GLIS3: variants seen among roughly 807,000 people sequenced by gnomAD.
The protein encoded by GLIS3 is GLIS family zinc finger 3.
GLIS3 carries 53 observed loss-of-function variants against 78.6 expected under a neutral mutation model. That is an observed-to-expected ratio of 0.67 (90% CI 0.54 to 0.85). The LOEUF (loss-of-function observed/expected upper bound fraction) is 0.85. Ranked by LOEUF, GLIS3 falls within the 40% of genes least tolerant of loss-of-function variation. The probability of loss-of-function intolerance (pLI) is 0.00; values close to 1 mark genes in which losing one functional copy is unlikely to be tolerated. For synonymous variants in GLIS3, 684 were observed against 509.9 expected, an observed-to-expected ratio of 1.34 and a Z score of -4.60; for missense variants, 1,703 against 1,231.1, an observed-to-expected ratio of 1.38 and a Z score of -5.74.
At chr9:4,094,999 C>A (rs1299762698) in intron 4 of GLIS3, among the ~76,000 whole-genome samples, 1 of 152,178 alleles carries the variant, frequency 6.6e-6, no homozygotes, top group African/African-American at 2.4e-5. Flanking sequence ...GCATATCCAT[C>A]ACTTCAAACA....
chr9:4,095,238 A>C (rs1266404434), intron 4 of GLIS3, among the ~76,000 whole-genome samples: 2 of 152,136 alleles, frequency 1.3e-5, no homozygotes, highest in Non-Finnish European at 2.9e-5. Flanking sequence ...ACATCCTTTG[A>C]ACTAGCCTTT....
Position 4,290,903 on chromosome 9 carries a change from T to C in GLIS3, c.-98-4380A>G, listed in dbSNP as rs1187724752. Reference sequence around the variant, plus strand: ...ATGTGTACAACATTATTTCCCCAAATTGAAACTGGAGGATACTATATTATG... The same window carrying C: ...ATGTGTACAACATTATTTCCCCAAACTGAAACTGGAGGATACTATATTATG... On this transcript the variant is annotated intron_variant, in intron 1 of 10. Transcript: ENST00000381971. Among the ~76,000 whole-genome samples the C allele has an allele frequency of 2.0e-5, 3 of 152,230 alleles. 1 individual carries two copies.
At chr9:3,918,144 C>T (rs1464616063) in intron 6 of GLIS3, among the ~76,000 whole-genome samples, 2 of 152,144 alleles carry the variant, frequency 1.3e-5, no homozygotes, top group Non-Finnish European at 2.9e-5. Flanking sequence ...ATCCATGTTC[C>T]CTCTTTCCTG....
rs140524095 is a variant in GLIS3 at position 4,079,993 on chromosome 9, A to T, written c.1710+37775T>A. The stretch of plus-strand genomic sequence containing the variant: ...TGAATACTCTCCTCCTTAAGGGTGG[A>T]AAATATGCACAATGATTTAAGAAGG... On this transcript the variant is annotated intron_variant, in intron 4 of 10. Transcript: ENST00000381971. 1.9e-3 allele frequency among the ~76,000 whole-genome samples: 285 copies of T among 152,362 alleles called. 4 individuals are homozygous for T. Among genetic ancestry groups the T allele is most frequent in the Non-Finnish European group, 2.2e-4 (15 of 68,036 alleles).
chr9:4,043,985 G>T (rs993649102), intron 4 of GLIS3, among the ~76,000 whole-genome samples: 2 of 152,172 alleles, frequency 1.3e-5, no homozygotes, highest in African/African-American at 4.8e-5. Context: ...AACAATGGAA[G>T]GCAATATGAT....
intron 7 of GLIS3, among the ~76,000 whole-genome samples, chr9:3,895,572 A>C (rs565582265): frequency 6.6e-6 from 1 of 152,234 alleles, no homozygotes; most frequent in Non-Finnish European, 1.5e-5. Flanking sequence ...CAGAAATAAA[A>C]GTATTTTCAG....
chr9:4,213,068 A>G (rs1471545703), intron 2 of GLIS3, among the ~76,000 whole-genome samples: 1 of 152,204 alleles, frequency 6.6e-6, no homozygotes, highest in Non-Finnish European at 1.5e-5. Context: ...TTCCCTTATG[A>G]GAAGTGGCTT....
the GLIS3 span, among the ~76,000 whole-genome samples, chr9:4,369,777 G>C: frequency 1.1e-4 from 17 of 152,218 alleles, no homozygotes; most frequent in African/African-American, 3.9e-4. Context: ...CCATGAACTA[G>C]ATCTAAAAAG....
chr9:4,077,143 C>G (rs1277982835), intron 4 of GLIS3, among the ~76,000 whole-genome samples: 1 of 152,224 alleles, frequency 6.6e-6, no homozygotes, highest in African/African-American at 2.4e-5. Flanking sequence ...AAAGCAATCC[C>G]CTATTATTGA....
chr9:4,408,033 A>G, the GLIS3 span, among the ~76,000 whole-genome samples: 1 of 152,244 alleles, frequency 6.6e-6, no homozygotes, highest in African/African-American at 2.4e-5. Context: ...AATAATCATC[A>G]GAGAAATAAA....
At chr9:3,897,848 G>A (rs1489194241) in intron 7 of GLIS3, among the ~76,000 whole-genome samples, 1 of 152,200 alleles carries the variant, frequency 6.6e-6, no homozygotes, top group Non-Finnish European at 1.5e-5. Context: ...ACAGTCTGCT[G>A]CCAAACCTGG....
At chr9:3,865,664 T>C (rs949027680) in intron 8 of GLIS3, among the ~76,000 whole-genome samples, 1 of 152,236 alleles carries the variant, frequency 6.6e-6, no homozygotes, top group African/African-American at 2.4e-5. Flanking sequence ...GTTACTGTCA[T>C]GACTCACTTT....
intron 4 of GLIS3, among the ~76,000 whole-genome samples, chr9:4,088,880 G>C (rs189999839): frequency 6.6e-6 from 1 of 152,206 alleles, no homozygotes; most frequent in African/African-American, 2.4e-5. Flanking sequence ...CTACATGGCA[G>C]GATGCCAGTC....
chr9:4,136,742 G>A (rs1833436326), intron 2 of GLIS3, among the ~76,000 whole-genome samples: 1 of 152,160 alleles, frequency 6.6e-6, no homozygotes, highest in Admixed American at 6.6e-5. Context: ...GATGAGCTAG[G>A]GCTGCCTACA....
chr9:4,485,961 A>T, the GLIS3 span, among the ~76,000 whole-genome samples: 3 of 152,088 alleles, frequency 2.0e-5, no homozygotes, highest in Admixed American at 1.3e-4. Context: ...GACCTCAGGA[A>T]TCCACCCCCC....
At chr9:4,389,438 C>A in the GLIS3 span, among the ~76,000 whole-genome samples, 1 of 152,282 alleles carries the variant, frequency 6.6e-6, no homozygotes, top group South Asian at 2.1e-4. Context: ...GCCTGGATAT[C>A]GCACAGTGCA....
At chr9:4,184,661 G>T (rs1473902336) in intron 2 of GLIS3, among the ~76,000 whole-genome samples, 2 of 152,216 alleles carry the variant, frequency 1.3e-5, no homozygotes, top group South Asian at 4.1e-4. Flanking sequence ...GTTCCTACTG[G>T]GGGAACCCCT....
intron 2 of GLIS3, among the ~76,000 whole-genome samples, chr9:4,262,335 C>G (rs889167401): frequency 2.0e-5 from 3 of 152,056 alleles, no homozygotes; most frequent in Admixed American, 2.0e-4. Context: ...CTCAGTGGCT[C>G]ACAGAAACAC....
chr9:4,082,967 G>A (rs932944158), intron 4 of GLIS3, among the ~76,000 whole-genome samples: 2 of 152,178 alleles, frequency 1.3e-5, no homozygotes, highest in Non-Finnish European at 2.9e-5. Context: ...GTAACTAGCT[G>A]TAATTTAGTA....
Sources: allele counts gnomAD v4.1 joint callset (sites outside exome capture counted in the v4.1 genomes callset), GRCh38; gene constraint gnomAD v4.1.1; transcripts MANE v1.5; gene names NCBI Gene and HGNC (gene_info 2026-07-23, HGNC 2026-07-21).